Variants in GALNT13 observed in about 807,000 individuals in gnomAD.
The protein encoded by GALNT13 is polypeptide N-acetylgalactosaminyltransferase 13.
GALNT13 carries 28 observed loss-of-function variants against 64.2 expected under a neutral mutation model. That is an observed-to-expected ratio of 0.44 (90% confidence interval 0.32 to 0.60). The LOEUF is 0.60. Ranked by LOEUF, GALNT13 falls within the 20% of genes least tolerant of loss-of-function variation. GALNT13 has a pLI of 0.05. For missense variants in GALNT13, 577 were observed against 669.8 expected (o/e 0.86, Z 1.53); for synonymous variants, 214 against 224.6 (o/e 0.95, Z 0.42).
intron 4 of GALNT13, among the ~76,000 whole-genome samples, chr2:154,189,289 G>A (rs1686433646): frequency 1.3e-5 from 2 of 152,046 alleles, no homozygotes; most frequent in Admixed American, 1.3e-4. Flanking sequence ...GTTATGGACT[G>A]AATGTTTATG....
intron 1 of GALNT13, among the ~76,000 whole-genome samples, chr2:153,882,521 C>A (rs1249555585): frequency 1.3e-5 from 2 of 152,064 alleles, no homozygotes; most frequent in South Asian, 2.1e-4. Flanking sequence ...CACTTACAGT[C>A]TTTAAGCCTA....
intron 8 of GALNT13, among the ~76,000 whole-genome samples, chr2:154,291,564 G>A (rs1692634436): frequency 6.6e-6 from 1 of 152,212 alleles, no homozygotes; most frequent in Admixed American, 6.5e-5. Context: ...CCCCAGTCAA[G>A]CCCAGCAGGT....
At chr2:153,893,901 A>T (rs1048076657) in intron 1 of GALNT13, among the ~76,000 whole-genome samples, 6 of 152,136 alleles carry the variant, frequency 3.9e-5, no homozygotes, top group Non-Finnish European at 5.9e-5. Context: ...AAGTAAGGAT[A>T]TGCAAAGGAA....
At chr2:153,463,642 G>A in the GALNT13 span, among the ~76,000 whole-genome samples, 1 of 151,980 alleles carries the variant, frequency 6.6e-6, no homozygotes, top group Non-Finnish European at 1.5e-5. Context: ...GCAGATTAGA[G>A]GAATGGAAAA....
At chr2:154,272,312 T>C (rs2105924376) in intron 8 of GALNT13, among the ~76,000 whole-genome samples, 1 of 152,162 alleles carries the variant, frequency 6.6e-6, no homozygotes, top group Non-Finnish European at 1.5e-5. Context: ...ATTTTAAACA[T>C]ACTAAGCAGA....
the GALNT13 span, among the ~76,000 whole-genome samples, chr2:153,496,909 G>C: frequency 1.3e-5 from 2 of 148,248 alleles, no homozygotes; most frequent in East Asian, 4.0e-4. Flanking sequence ...CAGGAGAATC[G>C]CTTGAACCCC....
At chr2:153,178,927 G>C in the GALNT13 span, among the ~76,000 whole-genome samples, 1 of 151,240 alleles carries the variant, frequency 6.6e-6, no homozygotes, top group Non-Finnish European at 1.5e-5. Flanking sequence ...TTTTTTAGTA[G>C]AGATGGGGTT....
At chr2:153,912,120 A>T (rs1688983087) in intron 2 of GALNT13, among the ~76,000 whole-genome samples, 1 of 151,376 alleles carries the variant, frequency 6.6e-6, no homozygotes. Context: ...TTTTTTCTTT[A>T]TTCTTGTCTG....
At chr2:153,158,199 CTTAAGGTT>C in the GALNT13 span, among the ~76,000 whole-genome samples, 6 of 152,104 alleles carry the variant, frequency 3.9e-5, no homozygotes, top group South Asian at 1.2e-3. Flanking sequence ...GTCAACTCCC[CTTAAGGTT>C]TTATTAGTAT....
chr2:154,353,967 C>T (rs193137490), intron 9 of GALNT13, among the ~76,000 whole-genome samples: 70 of 152,266 alleles, frequency 4.6e-4, no homozygotes, highest in African/African-American at 1.7e-3. Flanking sequence ...CTATTTTTAA[C>T]ATATTTAGGA....
At chr2:154,013,719 G>C (rs1432648761) in intron 3 of GALNT13, among the ~76,000 whole-genome samples, 2 of 152,196 alleles carry the variant, frequency 1.3e-5, no homozygotes, top group South Asian at 4.1e-4. Flanking sequence ...GCTGGCAGGG[G>C]TGGGCAAGGC....
In GALNT13 at chr2:154,440,437, G is replaced by A. The variant is rs921783974; in HGVS notation, c.1530+1711G>A. Among the ~76,000 whole-genome samples the A allele has an allele frequency of 9.9e-5, 15 of 150,758 alleles. No individual in the cohort carries two copies. In the East Asian group the frequency reaches 1.9e-3, roughly 19 times the overall value. On this transcript the variant is annotated intron_variant, in intron 12 of 12. Transcript: ENST00000392825. ...AGTAGCAATGCTATTGAATACTAAG[G>A]AATTTTAAGTAAAAAGTGAAAAAAA...
the GALNT13 span, among the ~76,000 whole-genome samples, chr2:153,217,683 T>C: frequency 0.36 from 54,937 of 151,872 alleles, 10,302 homozygotes; most frequent in African/African-American, 0.4. Flanking sequence ...TTATTTCTTA[T>C]GATCTTCAGC....
the GALNT13 span, among the ~76,000 whole-genome samples, chr2:153,154,250 T>C: frequency 6.6e-6 from 1 of 152,250 alleles, no homozygotes; most frequent in East Asian, 1.9e-4. Flanking sequence ...ATAAGTCTTA[T>C]GATATCTGAT....
chr2:154,209,699 G>C (rs1181306244), intron 4 of GALNT13, among the ~76,000 whole-genome samples: 1 of 152,040 alleles, frequency 6.6e-6, no homozygotes, highest in East Asian at 1.9e-4. Context: ...CATTGTCTCA[G>C]AGGAATTATT....
chr2:153,533,723 C>CTTTTTTTTTTTTTTTTTTTTTTTTTTT, the GALNT13 span, among the ~76,000 whole-genome samples: 604 of 48,688 alleles, frequency 0.012, 157 homozygotes, highest in South Asian at 0.016. Context: ...TGAGGTTTTT[C>CTTTTTTTTTTTTTTTTTTTTTTTTTTT]TTTTTTTTTT....
chr2:153,824,606 A>G, the GALNT13 span, among the ~76,000 whole-genome samples: 3 of 152,112 alleles, frequency 2.0e-5, no homozygotes, highest in Non-Finnish European at 2.9e-5. Flanking sequence ...CAAAATTCTA[A>G]GATGGATCCC....
At chr2:153,350,164 G>A in the GALNT13 span, among the ~76,000 whole-genome samples, 2 of 151,824 alleles carry the variant, frequency 1.3e-5, no homozygotes, top group East Asian at 3.9e-4. Context: ...TTATTACCAC[G>A]CATTTCTTTG....
intron 4 of GALNT13, among the ~76,000 whole-genome samples, chr2:154,174,848 T>C (rs1559005463): frequency 6.6e-6 from 1 of 152,168 alleles, no homozygotes; most frequent in East Asian, 1.9e-4. Flanking sequence ...TTTTTCTAGC[T>C]GCATGTCTAT....
Sources: allele counts gnomAD v4.1 joint callset (sites outside exome capture counted in the v4.1 genomes callset), GRCh38; gene constraint gnomAD v4.1.1; transcripts MANE v1.5; gene names NCBI Gene and HGNC (gene_info 2026-07-23, HGNC 2026-07-21).